Variants in OR4K14 observed in about 807,000 individuals in gnomAD.
The protein encoded by OR4K14 is olfactory receptor 4K14.
For missense variants in OR4K14, 406 were observed against 373.6 expected (o/e 1.09, Z -0.72); for synonymous variants, 153 against 141.5 (o/e 1.08, Z -0.58).
In OR4K14 at chr14:20,015,846, G is replaced by T. The variant is rs917676540; in HGVS notation, c.-29-624C>A. On this transcript the variant is annotated intron_variant, in intron 1 of 1. Transcript: ENST00000641793. ...CCTTTTTCAAACTTCAGTGATTCCT[G>T]AGGGGCAGTTAGACATTCTGGAAGA... is the stretch of plus-strand genomic sequence containing the variant. 9.2e-5 allele frequency among the ~76,000 whole-genome samples: 14 copies of T among 151,972 alleles called. No homozygotes were observed. In the South Asian group the frequency reaches 2.9e-3, roughly 32 times the overall value.
chr14:20,014,355 G>C lies in OR4K14; in HGVS notation c.839C>G (p.Thr280Ser). 6.2e-7 allele frequency: 1 copy of C among 1,611,576 alleles called. No individual in the cohort carries two copies. The highest frequency in any genetic ancestry group is 8.5e-7 in the Non-Finnish European group (1 of 1,178,812). ...GTAGATAATGGGGTTCAGGAGTGGA[G>C]TAAAAATGGTATAAAACACAGACAG... ...KLLSVFYTIFTPLLNPIIYTL... is the reference protein window; with the variant it reads ...KLLSVFYTIFSPLLNPIIYTL... The change falls in exon 2 of 2, where the codon ACT becomes AGT. Residue 280 changes from threonine (T) to serine (S), a missense_variant. Transcript: ENST00000641793.
At chr14:20,019,015 T>G (rs1470007952) in intron 1 of OR4K14, 128 bp downstream of exon 1, 1 of 151,912 alleles carries the variant, frequency 6.6e-6, no homozygotes, top group East Asian at 1.9e-4. Context: ...ATGAAAAAAT[T>G]TAACTTCAAC....
chr14:20,016,871 T>TA (rs1396862415), intron 1 of OR4K14, among the ~76,000 whole-genome samples: 1 of 152,008 alleles, frequency 6.6e-6, no homozygotes, highest in Non-Finnish European at 1.5e-5. Context: ...AATCACGCTT[T>TA]TAATTTGTTG....
At chr14:20,018,198 T>C (rs973780818) in intron 1 of OR4K14, among the ~76,000 whole-genome samples, 5 of 152,022 alleles carry the variant, frequency 3.3e-5, no homozygotes, top group African/African-American at 4.8e-5. Context: ...ATTTTTAGAA[T>C]CTAAAGGGAT....
chr14:20,014,809 T>A lies in OR4K14; in HGVS notation c.385A>T (p.Lys129Ter). 1 of 1,614,136 alleles carries A rather than the reference T, an allele frequency of 6.2e-7. No individual in the cohort carries two copies. The highest frequency in any genetic ancestry group is 8.5e-7 in the Non-Finnish European group (1 of 1,180,010). ...MAYDRYVAICKPLHYMTLMSW... is the reference protein window; with the variant it reads ...MAYDRYVAIC ...ATCAAAGTCATGTAATGCAAGGGTT[T>A]GCATATGGCCACATATCTGTCATAG... is the stretch of plus-strand genomic sequence containing the variant. The change falls in exon 2 of 2, where the codon AAA becomes TAA. Residue 129 changes from lysine to a stop codon, truncating the protein, a stop_gained. Coordinates refer to ENST00000641793, the MANE Select transcript of OR4K14 (RefSeq NM_001004712.2). LOFTEE classifies it low-confidence loss of function (END_TRUNC).
chr14:20,014,246 A>G lies in OR4K14; in HGVS notation c.*15T>C. The G allele has an allele frequency of 1.3e-6, 2 of 1,531,220 alleles. No homozygotes were observed. The highest frequency in any genetic ancestry group is 1.8e-6 in the Non-Finnish European group (2 of 1,122,042). 94.9% of individuals were successfully genotyped at this position (1,531,220 alleles called of 1,614,324 possible). A position where few individuals can be genotyped will look rare whatever the true frequency, so the allele number is the denominator to read the frequency against. ...TGAATGAATAGAAACATCTAACACT[A>G]TGGAAGGCTGGATTTCATTGAAAAG... is the stretch of plus-strand genomic sequence containing the variant. On this transcript the variant is annotated 3_prime_UTR_variant, in exon 2 of 2. Transcript: ENST00000641793.
intron 1 of OR4K14, among the ~76,000 whole-genome samples, chr14:20,018,615 T>G (rs1268646284): frequency 6.6e-6 from 1 of 152,018 alleles, no homozygotes; most frequent in Non-Finnish European, 1.5e-5. Flanking sequence ...TAATAAAGAT[T>G]AAGTGAACAG....
chr14:20,015,485 C>T (rs1953997), intron 1 of OR4K14, among the ~76,000 whole-genome samples: 202 of 152,072 alleles, frequency 1.3e-3, no homozygotes, highest in South Asian at 0.011. Context: ...TACATCATTG[C>T]GATTATAGCT....
At chr14:20,016,546 C>T (rs1157160261) in intron 1 of OR4K14, among the ~76,000 whole-genome samples, 1 of 152,040 alleles carries the variant, frequency 6.6e-6, no homozygotes, top group Admixed American at 6.6e-5. Flanking sequence ...AATAATGGCT[C>T]GTTTACATAA....
rs1877061756 is a variant in OR4K14 at position 20,014,926 on chromosome 14, G to C, written c.268C>G (p.Gln90Glu). 1.9e-6 allele frequency: 3 copies of C among 1,614,126 alleles called. No individual in the cohort carries two copies. In the East Asian group the frequency reaches 6.7e-5, roughly 36 times the overall value. The change falls in exon 2 of 2, where the codon CAA becomes GAA. Residue 90 changes from glutamine (Q) to glutamate (E), a missense_variant. Coordinates refer to ENST00000641793, the MANE Select transcript of OR4K14 (RefSeq NM_001004712.2). ...CATCCTCCAAAGGAGATGAGTTTTT[G>C]ATCACTAAGGAAATCCCTGATCATC... is the stretch of plus-strand genomic sequence containing the variant. ...PKMIRDFLSD[Q>E]KLISFGGCMA...
intron 1 of OR4K14, among the ~76,000 whole-genome samples, chr14:20,016,472 A>C (rs72667654): frequency 6.6e-6 from 1 of 152,036 alleles, no homozygotes; most frequent in South Asian, 2.1e-4. Context: ...ATTGTGTTAT[A>C]TGTGGGTTGT....
intron 1 of OR4K14, among the ~76,000 whole-genome samples, chr14:20,016,341 T>A (rs1397597001): frequency 6.6e-6 from 1 of 151,722 alleles, no homozygotes; most frequent in Non-Finnish European, 1.5e-5. Context: ...TACTTTAAGC[T>A]AAAACGCATG....
chr14:20,016,827 CAT>C (rs1279653461), intron 1 of OR4K14, among the ~76,000 whole-genome samples: 3 of 151,922 alleles, frequency 2.0e-5, no homozygotes, highest in Non-Finnish European at 4.4e-5. Context: ...CTAACAGAGA[CAT>C]AGAGTATTAT....
intron 1 of OR4K14, among the ~76,000 whole-genome samples, chr14:20,017,357 T>C (rs1877119326): frequency 6.6e-6 from 1 of 151,970 alleles, no homozygotes; most frequent in African/African-American, 2.4e-5. Flanking sequence ...CTCACTTTAT[T>C]TGGTATAAAA....
chr14:20,014,366 A>C lies in OR4K14; in HGVS notation c.828T>G (p.Tyr276Ter), dbSNP rs1053227549. The change falls in exon 2 of 2, where the codon TAT (tyrosine) becomes TAG (stop). Residue 276 changes from tyrosine to a stop codon, truncating the protein, a stop_gained. Coordinates refer to ENST00000641793, the MANE Select transcript of OR4K14 (RefSeq NM_001004712.2). LOFTEE classifies it low-confidence loss of function (END_TRUNC). ...GGTTCAGGAGTGGAGTAAAAATGGT[A>C]TAAAACACAGACAGCAGCTTGTCCA... is the stretch of plus-strand genomic sequence containing the variant. ...FSVDKLLSVF[Y>*]TIFTPLLNPI... 36 of 1,613,902 alleles carry C rather than the reference A, an allele frequency of 2.2e-5. No homozygotes were observed. The highest frequency in any genetic ancestry group is 1.7e-4 in the Middle Eastern group (1 of 6,060).
At chr14:20,015,721 C>T (rs6573292) in intron 1 of OR4K14, among the ~76,000 whole-genome samples, 1 of 152,076 alleles carries the variant, frequency 6.6e-6, no homozygotes, top group Non-Finnish European at 1.5e-5. Flanking sequence ...CTGCCTGGCA[C>T]ATGAAAGTGA....
At chr14:20,015,267 G>T in intron 1 of OR4K14, 45 bp from the exon 2 acceptor site, 1 of 862,038 alleles carries the variant, frequency 1.2e-6, no homozygotes, top group Non-Finnish European at 1.8e-6. Flanking sequence ...ACACCTCAAG[G>T]ACATTGTATT....
intron 1 of OR4K14, among the ~76,000 whole-genome samples, chr14:20,018,754 C>T (rs924579629): frequency 4.6e-5 from 7 of 151,782 alleles, no homozygotes; most frequent in Non-Finnish European, 8.8e-5. Context: ...CACTAAAAAC[C>T]ATTGAATTGA....
Position 20,014,280 on chromosome 14 carries a change from C to A in OR4K14, c.914G>T (p.Arg305Leu). 1 of 1,601,728 alleles carries A rather than the reference C, an allele frequency of 6.2e-7. No homozygotes were observed. The highest frequency in any genetic ancestry group is 8.5e-7 in the Non-Finnish European group (1 of 1,173,434). The change falls in exon 2 of 2, where the codon CGA becomes CTA. Residue 305 changes from arginine (R) to leucine (L), a missense_variant. Physicochemically the swap from Arg to Leu is moderately radical, Grantham distance 102 (BLOSUM62 -2). Transcript: ENST00000641793. The part of the protein sequence containing the change: ...MKAAMKKLQN[R>L]RVTFQ ...TGGATTTCATTGAAAAGTCACCCGT[C>A]GGTTTTGCAGTTTCTTCATAGCTGC...
Sources: gnomAD v4.1 joint callset for allele counts (sites outside exome capture counted in the v4.1 genomes callset) on GRCh38, gnomAD v4.1.1 for gene constraint, MANE v1.5 for transcripts, NCBI Gene and HGNC (gene_info 2026-07-23, HGNC 2026-07-21) for gene names.